The following IQCM variants were observed in gnomAD, a reference collection of about 807,000 sequenced individuals.
IQCM encodes the protein IQ domain-containing protein M.
In IQCM, 45 loss-of-function variants were observed where a neutral mutation model predicts 57.6. That is an observed-to-expected ratio of 0.78 (90% CI 0.62 to 1.00). The LOEUF is 1.00. IQCM is among the 50% of genes least tolerant of loss of function. The pLI is 0.00. For missense variants in IQCM, 468 were observed against 511.6 expected, an observed-to-expected ratio of 0.91 and a Z score of 0.82; for synonymous variants, 148 against 158.9, an observed-to-expected ratio of 0.93 and a Z score of 0.51.
chr4:149,356,677 A>C (rs1037134102), intron 13 of IQCM, among the ~76,000 whole-genome samples: 3 of 152,082 alleles, frequency 2.0e-5, no homozygotes, highest in Non-Finnish European at 4.4e-5. Flanking sequence ...GTCAGGTAGC[A>C]TGATGCCTCC....
At chr4:149,380,065 C>T (rs1394219519) in intron 13 of IQCM, among the ~76,000 whole-genome samples, 1 of 152,122 alleles carries the variant, frequency 6.6e-6, no homozygotes, top group Non-Finnish European at 1.5e-5. Context: ...TTTCATCTCC[C>T]ACCATGATTG....
rs182538427 is a variant in IQCM at position 149,565,529 on chromosome 4, A to G, written c.750-1639T>C. On this transcript the variant is annotated intron_variant, in intron 9 of 13. Transcript: ENST00000636793. ...TATTGTATGTCATTTGAACACTAGC[A>G]TAACACCATTTTTGAACACTAGTTT... Among the ~76,000 whole-genome samples the G allele has an allele frequency of 1.8e-3, 277 of 152,288 alleles. 1 individual carries two copies. Among genetic ancestry groups the G allele is most frequent in the African/African-American group, 6.4e-3 (266 of 41,574 alleles).
rs189386929 is a variant in IQCM at position 149,577,182 on chromosome 4, G to T, written c.749+10748C>A. On this transcript the variant is annotated intron_variant, in intron 9 of 13. Transcript: ENST00000636793. ...AACATTTTCTCCCATTCTGTGGGTT[G>T]TCTGTTTACTCTGCTGATAATTTCT... 3.1e-3 allele frequency among the ~76,000 whole-genome samples: 464 copies of T among 152,064 alleles called. 3 individuals are homozygous for T. Among genetic ancestry groups the T allele is most frequent in the African/African-American group, 9.0e-3 (374 of 41,500 alleles).
At position 149,364,970 on chromosome 4, in the gene IQCM, TTA is replaced by T. The variant is rs1005892264; in HGVS notation, c.1391-12906_1391-12905del. Among the ~76,000 whole-genome samples the T allele has an allele frequency of 1.1e-4, 17 of 151,428 alleles. No individual in the cohort carries two copies. In the South Asian group the frequency reaches 2.3e-3, roughly 21 times the overall value. ...CAAAATGCACATGGATACAGATGGA[TTA>T]TATATATATATAAAATTATAGATAT... On this transcript the variant is annotated intron_variant, in intron 13 of 13. Coordinates refer to ENST00000636793, the MANE Select transcript of IQCM (RefSeq NM_001363507.2).
At chr4:149,538,735 C>T (rs1383941396) in intron 12 of IQCM, among the ~76,000 whole-genome samples, 5 of 151,596 alleles carry the variant, frequency 3.3e-5, no homozygotes, top group African/African-American at 1.2e-4. Context: ...GAAGAAAAAC[C>T]TTTATCTTAT....
chr4:149,441,266 G>T (rs1347028629), intron 12 of IQCM, among the ~76,000 whole-genome samples: 3 of 152,142 alleles, frequency 2.0e-5, no homozygotes, highest in Non-Finnish European at 4.4e-5. Flanking sequence ...TTTGGCATGG[G>T]TGAAGCCCTG....
chr4:149,812,392 A>T (rs1774644681), intron 2 of IQCM, among the ~76,000 whole-genome samples: 1 of 151,734 alleles, frequency 6.6e-6, no homozygotes, highest in Non-Finnish European at 1.5e-5. Flanking sequence ...TGCAAATAAC[A>T]ATATACTGGA....
chr4:149,546,558 C>A (rs138147478), intron 12 of IQCM, among the ~76,000 whole-genome samples: 1 of 152,328 alleles, frequency 6.6e-6, no homozygotes, highest in Non-Finnish European at 1.5e-5. Context: ...ATATGCATTT[C>A]TCTGATGGCC....
At chr4:149,615,134 GT>G (rs5862889) in intron 8 of IQCM, among the ~76,000 whole-genome samples, 32,152 of 150,378 alleles carry the variant, frequency 0.21, 4,242 homozygotes, top group Non-Finnish European at 0.28. Flanking sequence ...GTTAGATGTT[GT>G]TTTTTTTTCA....
intron 7 of IQCM, among the ~76,000 whole-genome samples, chr4:149,626,307 T>G (rs915919859): frequency 1.3e-5 from 2 of 151,086 alleles, no homozygotes; most frequent in African/African-American, 4.9e-5. Context: ...GAGCTCGCAT[T>G]GGCTCTCCTT....
intron 12 of IQCM, among the ~76,000 whole-genome samples, chr4:149,507,335 T>C (rs1178747100): frequency 2.0e-5 from 3 of 152,038 alleles, no homozygotes; most frequent in African/African-American, 7.2e-5. Context: ...GTTGAAACAG[T>C]TTGGAGGGCT....
chr4:149,697,276 A>G (rs945623711), intron 5 of IQCM, among the ~76,000 whole-genome samples: 1 of 152,048 alleles, frequency 6.6e-6, no homozygotes, highest in Non-Finnish European at 1.5e-5. Flanking sequence ...GTTCCTCCTC[A>G]GGGCTGATTT....
Position 149,432,200 on chromosome 4 carries a change from C to A in IQCM, c.1390+1196G>T, listed in dbSNP as rs190045163. ...GTAATGTGTGAGTGTTTGAGGTATT[C>A]CACCTCCTTGTTTGGTATCATTAGA... is the stretch of plus-strand genomic sequence containing the variant. On this transcript the variant is annotated intron_variant, in intron 13 of 13. Transcript: ENST00000636793. Among the ~76,000 whole-genome samples, 256 of 151,778 alleles carry A rather than the reference C, an allele frequency of 1.7e-3. 2 individuals carry two copies. Among genetic ancestry groups the A allele is most frequent in the African/African-American group, 5.8e-3 (239 of 41,460 alleles).
At chr4:149,359,775 A>C (rs1285623110) in intron 13 of IQCM, among the ~76,000 whole-genome samples, 1 of 152,198 alleles carries the variant, frequency 6.6e-6, no homozygotes, top group Non-Finnish European at 1.5e-5. Context: ...TCAAGGTTAT[A>C]TATCATTCAA....
At chr4:149,515,858 C>T (rs762301939) in intron 12 of IQCM, among the ~76,000 whole-genome samples, 4 of 152,126 alleles carry the variant, frequency 2.6e-5, no homozygotes, top group East Asian at 1.9e-4. Context: ...ATGGACCTCT[C>T]GGAGTGGTCA....
chr4:149,553,299 G>A lies in IQCM; in HGVS notation c.949-12C>T. 1 of 1,231,284 alleles carries A rather than the reference G, an allele frequency of 8.1e-7. No homozygotes were observed. Among genetic ancestry groups the A allele is most frequent in the Non-Finnish European group, 1.0e-6 (1 of 987,226 alleles). 76.3% of individuals were successfully genotyped at this position (1,231,284 alleles called of 1,614,324 possible). A position where few individuals can be genotyped will look rare whatever the true frequency, so the allele number is the denominator to read the frequency against. On this transcript the variant is annotated splice_polypyrimidine_tract_variant and intron_variant, in intron 10 of 13. Transcript: ENST00000636793. The stretch of plus-strand genomic sequence containing the variant: ...CCATGATCCAAAGCCTACAAAGACA[G>A]AAAAGCTCCTTATATATTTCTGGTA...
chr4:149,710,425 T>C (rs548133822), intron 5 of IQCM, among the ~76,000 whole-genome samples: 31 of 152,236 alleles, frequency 2.0e-4, no homozygotes, highest in African/African-American at 7.0e-4. Context: ...ACAAACTTTA[T>C]AGCCATTTTG....
chr4:149,417,690 C>T lies in IQCM; in HGVS notation c.1390+15706G>A, dbSNP rs140708987. ...TTCAAAGTTGTACAATTGAGTCATC[C>T]CTCTCTGTTATGCAGGAGAAAGACA... On this transcript the variant is annotated intron_variant, in intron 13 of 13. Coordinates refer to ENST00000636793, the MANE Select transcript of IQCM (RefSeq NM_001363507.2). Among the ~76,000 whole-genome samples the T allele has an allele frequency of 3.6e-3, 544 of 152,108 alleles. 4 individuals are homozygous for T. The highest frequency in any genetic ancestry group is 0.012 in the African/African-American group (509 of 41,488).
At chr4:149,742,300 T>A (rs1251298326) in intron 3 of IQCM, among the ~76,000 whole-genome samples, 5 of 152,190 alleles carry the variant, frequency 3.3e-5, no homozygotes, top group African/African-American at 1.2e-4. Flanking sequence ...TAGATTTATA[T>A]GCCCAAATTT....
Sources: allele counts gnomAD v4.1 joint callset (sites outside exome capture counted in the v4.1 genomes callset), GRCh38; gene constraint gnomAD v4.1.1; transcripts MANE v1.5; gene names NCBI Gene and HGNC (gene_info 2026-07-23, HGNC 2026-07-21).